CERS4: variants seen among roughly 807,000 people sequenced by gnomAD.
CERS4 encodes LAG1 homolog, ceramide synthase 4.
Under a neutral mutation model 51.8 loss-of-function variants are expected in CERS4, and 65 were observed. That is an observed-to-expected ratio of 1.26 (90% CI 1.03 to 1.54). The LOEUF (loss-of-function observed/expected upper bound fraction) is 1.54, where lower values mean the gene tolerates loss of function less well. Among genes scored for constraint, CERS4 ranks in the 40% most tolerant of loss-of-function variants. The probability of loss-of-function intolerance (pLI) is 0.00; values close to 1 mark genes in which losing one functional copy is unlikely to be tolerated. For missense variants in CERS4, 563 were observed against 500.4 expected, an observed-to-expected ratio of 1.13 and a Z score of -1.19; for synonymous variants, 228 against 208.4, an observed-to-expected ratio of 1.09 and a Z score of -0.81.
At chr19:8,220,913 C>T (rs1437872489) in intron 2 of CERS4, among the ~76,000 whole-genome samples, 1 of 151,970 alleles carries the variant, frequency 6.6e-6, no homozygotes, top group East Asian at 1.9e-4. Flanking sequence ...GCTCTGCCTC[C>T]TGGGTTCATG....
intron 2 of CERS4, among the ~76,000 whole-genome samples, chr19:8,233,082 A>C (rs542218731): frequency 4.6e-5 from 7 of 151,430 alleles, no homozygotes; most frequent in Admixed American, 2.0e-4. Context: ...GGGTCTCTCT[A>C]TGTTGTCCAG....
intron 3 of CERS4, 62 bp downstream of exon 3, chr19:8,251,311 C>T (rs1969067276): frequency 1.4e-6 from 2 of 1,478,932 alleles, no homozygotes; most frequent in African/African-American, 1.4e-5. Flanking sequence ...TGCTCGTGCC[C>T]TGTGTGCAAT....
chr19:8,248,766 T>C (rs1968906407), intron 2 of CERS4, among the ~76,000 whole-genome samples: 1 of 148,968 alleles, frequency 6.7e-6, no homozygotes, highest in Non-Finnish European at 1.5e-5. Context: ...GATGGATGGA[T>C]GGATGATGGG....
At position 8,248,850 on chromosome 19, in the gene CERS4, TTGGA is replaced by T. The variant is rs1426250240; in HGVS notation, c.-1-2222_-1-2219del. ...GGATGATGGGTGGGTGGACAGATCT[TTGGA>T]TGGGTGGGTGGATGGATGGTGGGTG... On this transcript the variant is annotated intron_variant, in intron 2 of 11. Transcript: ENST00000251363. Among the ~76,000 whole-genome samples, 13 of 127,080 alleles carry T rather than the reference TTGGA, an allele frequency of 1.0e-4. No homozygotes were observed. The East Asian group carries it at 2.5e-3, about 24-fold the overall frequency. 83.4% of individuals were successfully genotyped at this position (127,080 alleles called of 152,430 possible). A position where few individuals can be genotyped will look rare whatever the true frequency, so the allele number is the denominator to read the frequency against.
At chr19:8,261,149 G>GA (rs1969677800) in intron 10 of CERS4, 1 of 155,594 alleles carries the variant, frequency 6.4e-6, no homozygotes, top group African/African-American at 2.4e-5. Context: ...CCCAGCCTCC[G>GA]TGGGAGACAA....
intron 2 of CERS4, among the ~76,000 whole-genome samples, chr19:8,243,660 T>C (rs1445412170): frequency 6.7e-6 from 1 of 149,460 alleles, no homozygotes; most frequent in Non-Finnish European, 1.5e-5. Flanking sequence ...TTTTTTTTTT[T>C]TCCCCCAAAA....
chr19:8,248,371 G>A (rs541406551), intron 2 of CERS4, among the ~76,000 whole-genome samples: 251 of 152,270 alleles, frequency 1.6e-3, no homozygotes, highest in African/African-American at 5.8e-3. Flanking sequence ...GGATGGAAGG[G>A]GAAATGGATA....
At chr19:8,259,328 C>T (rs1431673043) in intron 10 of CERS4, among the ~76,000 whole-genome samples, 3 of 152,064 alleles carry the variant, frequency 2.0e-5, no homozygotes, top group Non-Finnish European at 4.4e-5. Flanking sequence ...GAGGCAAGAC[C>T]ATGCCCGGCA....
At chr19:8,257,686 T>A (rs1026905475) in intron 9 of CERS4, among the ~76,000 whole-genome samples, 193 bp from the exon 10 acceptor site, 1 of 152,176 alleles carries the variant, frequency 6.6e-6, no homozygotes, top group Non-Finnish European at 1.5e-5. Flanking sequence ...TGCCTCAGCC[T>A]CCCAAAGTGC....
At position 8,238,043 on chromosome 19, in the gene CERS4, C is replaced by CCA. The variant is rs1568516152; in HGVS notation, c.-1-13032_-1-13031insAC. On this transcript the variant is annotated intron_variant, in intron 2 of 11. Transcript: ENST00000251363. ...AGTAACAATCAGATGGTAATCCCCC[C>CCA]CCACAATCCCTGCTCCACTACTCCA... Among the ~76,000 whole-genome samples, 351 of 152,146 alleles carry CCA rather than the reference C, an allele frequency of 2.3e-3. 3 individuals are homozygous for CCA. Among genetic ancestry groups the CCA allele is most frequent in the African/African-American group, 8.1e-3 (336 of 41,530 alleles).
intron 10 of CERS4, among the ~76,000 whole-genome samples, chr19:8,260,334 A>G (rs934894338): frequency 5.3e-5 from 8 of 150,834 alleles, no homozygotes; most frequent in African/African-American, 1.7e-4. Context: ...AGCTGGAATT[A>G]TAGGCACACA....
chr19:8,235,026 C>CT (rs1302862289), intron 2 of CERS4, among the ~76,000 whole-genome samples: 25 of 65,886 alleles, frequency 3.8e-4, no homozygotes, highest in African/African-American at 1.4e-3. Context: ...TTTTTTTTTT[C>CT]AGACAGAGTT....
intron 4 of CERS4, among the ~76,000 whole-genome samples, chr19:8,255,248 T>C (rs1461756863): frequency 1.3e-5 from 2 of 152,114 alleles, no homozygotes; most frequent in Non-Finnish European, 2.9e-5. Flanking sequence ...CAGGTAGGGC[T>C]TGGGGCTGGG....
At chr19:8,225,458 G>GC (rs1168430048) in intron 2 of CERS4, among the ~76,000 whole-genome samples, 1 of 145,544 alleles carries the variant, frequency 6.9e-6, no homozygotes, top group African/African-American at 2.6e-5. Flanking sequence ...CTCACTCTTG[G>GC]CCCCCCAGGC....
chr19:8,214,072 A>G (rs36004722), intron 2 of CERS4, among the ~76,000 whole-genome samples: 46,587 of 151,994 alleles, frequency 0.31, 7,387 homozygotes, highest in South Asian at 0.4. Context: ...TCACACACAC[A>G]CACACTGAAC....
At chr19:8,249,226 T>TGGGTGGATGGATGATGGGG (rs1968946300) in intron 2 of CERS4, among the ~76,000 whole-genome samples, 1 of 151,154 alleles carries the variant, frequency 6.6e-6, no homozygotes, top group African/African-American at 2.4e-5. Context: ...GGATGATGGG[T>TGGGTGGATGGATGATGGGG]GGGTGGACAG....
rs1442526151 is a variant in CERS4, at chr19:8,255,745, T to C, written c.410+20T>C. ...GGCCAGGTAAGCCCAGGATGGGGCT[T>C]CTGGGGTGCAGGGAAGCGGGCCGGG... On this transcript the variant is annotated intron_variant, in intron 5 of 11. Coordinates refer to ENST00000251363, the MANE Select transcript of CERS4 (RefSeq NM_024552.3). 9 of 1,609,460 alleles carry C rather than the reference T, an allele frequency of 5.6e-6. No homozygotes were observed. The highest frequency in any genetic ancestry group is 7.6e-6 in the Non-Finnish European group (9 of 1,177,492).
At chr19:8,221,591 G>A (rs1335535486) in intron 2 of CERS4, among the ~76,000 whole-genome samples, 1 of 144,412 alleles carries the variant, frequency 6.9e-6, no homozygotes, top group Non-Finnish European at 1.5e-5. Context: ...TGTCACCCAT[G>A]CTGGAGTGCA....
intron 2 of CERS4, among the ~76,000 whole-genome samples, chr19:8,220,715 C>A (rs192534827): frequency 6.6e-6 from 1 of 152,204 alleles, no homozygotes; most frequent in Non-Finnish European, 1.5e-5. Context: ...CCAAGGGCAG[C>A]CTGTGTTGCC....
Sources: allele counts gnomAD v4.1 joint callset (sites outside exome capture counted in the v4.1 genomes callset), GRCh38; gene constraint gnomAD v4.1.1; transcripts MANE v1.5; gene names NCBI Gene and HGNC (gene_info 2026-07-23, HGNC 2026-07-21).